The following ANOS1 variants were observed in gnomAD, a reference collection of about 807,000 sequenced individuals.
ANOS1 encodes the protein anosmin-1.
ANOS1 carries 6 observed loss-of-function variants against 59.0 expected under a neutral mutation model. The observed-to-expected ratio is 0.10, with a 90% CI of 0.06 to 0.20. The LOEUF is 0.20. Ranked by LOEUF, ANOS1 falls within the 10% of genes least tolerant of loss-of-function variation. The pLI is 1.00. For missense variants in ANOS1, 433 were observed against 542.3 expected, an observed-to-expected ratio of 0.80 and a Z score of 2.00; for synonymous variants, 217 against 223.4, an observed-to-expected ratio of 0.97 and a Z score of 0.25.
chrX:8,593,436 T>C (rs961135248), intron 4 of ANOS1, among the ~76,000 whole-genome samples: 4 of 112,077 alleles, frequency 3.6e-5, no homozygotes, highest in African/African-American at 9.7e-5. Flanking sequence ...TGCAACACTT[T>C]AATACATAAA....
intron 2 of ANOS1, among the ~76,000 whole-genome samples, chrX:8,663,031 T>C (rs1248143112): frequency 9.2e-6 from 1 of 108,833 alleles, no homozygotes; most frequent in East Asian, 2.9e-4. Flanking sequence ...AATAAATAAA[T>C]AAAATAAAAT....
intron 6 of ANOS1, among the ~76,000 whole-genome samples, chrX:8,576,568 G>A (rs1366044622): frequency 1.9e-5 from 2 of 103,186 alleles, no homozygotes; most frequent in Non-Finnish European, 3.8e-5. Flanking sequence ...GAGAGCCAGA[G>A]AGTCAGAGAG....
intron 1 of ANOS1, 50 bp from the exon 2 acceptor site, chrX:8,699,795 C>A: frequency 1.1e-6 from 1 of 924,691 alleles, no homozygotes; most frequent in Non-Finnish European, 1.5e-6. Flanking sequence ...GCTACACATA[C>A]ACAGATTTCT....
intron 9 of ANOS1, among the ~76,000 whole-genome samples, chrX:8,546,144 T>C (rs1038750574): frequency 8.9e-6 from 1 of 112,269 alleles, no homozygotes; most frequent in Non-Finnish European, 1.9e-5. Context: ...CTGAGTCCAT[T>C]TCAAAGGTCT....
intron 2 of ANOS1, among the ~76,000 whole-genome samples, chrX:8,699,168 T>C (rs1271986093): frequency 1.8e-5 from 2 of 111,708 alleles, no homozygotes; most frequent in Non-Finnish European, 3.8e-5. Context: ...AATTGTATTA[T>C]ATCAAACATA....
chrX:8,621,906 T>C (rs2146845437), intron 3 of ANOS1, among the ~76,000 whole-genome samples: 1 of 111,828 alleles, frequency 8.9e-6, no homozygotes, highest in Admixed American at 9.6e-5. Flanking sequence ...ATTCAAAAAG[T>C]TCATGTTGAA....
intron 2 of ANOS1, among the ~76,000 whole-genome samples, chrX:8,659,189 T>C (rs1007602327): frequency 9.2e-6 from 1 of 109,118 alleles, no homozygotes; most frequent in Non-Finnish European, 1.9e-5. Context: ...ATCGTGCCAT[T>C]GCACTCCAGC....
intron 6 of ANOS1, among the ~76,000 whole-genome samples, chrX:8,580,420 G>A (rs183147557): frequency 1.3e-4 from 14 of 111,700 alleles, no homozygotes; most frequent in Non-Finnish European, 3.8e-5. Flanking sequence ...TCTGGGAGGG[G>A]TAAGAGTTAG....
At chrX:8,727,376 A>C (rs1239181036) in intron 1 of ANOS1, among the ~76,000 whole-genome samples, 1 of 111,679 alleles carries the variant, frequency 9.0e-6, no homozygotes, top group African/African-American at 3.3e-5. Flanking sequence ...TGTAGGGAAG[A>C]TCAGGGTTGG....
rs1187781153 is a variant in ANOS1 at position 8,732,043 on chromosome X, G to GGGTCGA, written c.-13_-8dup. On this transcript the variant is annotated 5_prime_UTR_variant, in exon 1 of 14. Transcript: ENST00000262648. ...CGGGCACCCCGGGCACCATGGCTGC[G>GGGTCGA]GGTCGAGGGCGAGGGCGAGGGCGCC... 1.0e-6 allele frequency: 1 copy of GGGTCGA among 954,222 alleles called. No homozygotes were observed. The highest frequency in any genetic ancestry group is 1.3e-6 in the Non-Finnish European group (1 of 764,717). 78.6% of individuals were successfully genotyped at this position (954,222 alleles called of 1,213,427 possible).
chrX:8,592,197 T>G (rs1325284565), intron 4 of ANOS1, among the ~76,000 whole-genome samples: 3 of 112,136 alleles, frequency 2.7e-5, no homozygotes, highest in South Asian at 3.7e-4. Flanking sequence ...TTCTAGTGAT[T>G]TAATCACTAC....
At chrX:8,634,132 C>T (rs1931535092) in intron 2 of ANOS1, among the ~76,000 whole-genome samples, 1 of 110,992 alleles carries the variant, frequency 9.0e-6, no homozygotes, top group East Asian at 2.8e-4. Context: ...AGTAGATTCT[C>T]TTAGTAGTTA....
chrX:8,684,933 A>G (rs867007964), intron 2 of ANOS1, among the ~76,000 whole-genome samples: 1 of 110,283 alleles, frequency 9.1e-6, no homozygotes, highest in Admixed American at 9.8e-5. Context: ...GATCCGTTCC[A>G]GCCCCACAAG....
intron 10 of ANOS1, among the ~76,000 whole-genome samples, chrX:8,539,312 T>C (rs1193931015): frequency 9.1e-6 from 1 of 110,233 alleles, no homozygotes; most frequent in Middle Eastern, 4.6e-3. Flanking sequence ...TAGATCACGG[T>C]GACATGTCAA....
At chrX:8,613,944 C>T (rs371985733) in intron 3 of ANOS1, among the ~76,000 whole-genome samples, 5 of 112,284 alleles carry the variant, frequency 4.5e-5, no homozygotes, top group Non-Finnish European at 9.4e-5. Flanking sequence ...CCTGGCCACA[C>T]CATATACCTA....
At chrX:8,659,164 T>C (rs773051575) in intron 2 of ANOS1, among the ~76,000 whole-genome samples, 4 of 107,870 alleles carry the variant, frequency 3.7e-5, no homozygotes, top group South Asian at 8.4e-4. Context: ...GAGGCGGAGG[T>C]TGCAGTGAGC....
At chrX:8,650,255 C>T (rs987517050) in intron 2 of ANOS1, among the ~76,000 whole-genome samples, 1 of 112,455 alleles carries the variant, frequency 8.9e-6, no homozygotes, top group Non-Finnish European at 1.9e-5. Context: ...GTGCATTTCC[C>T]ATTTTCTGTT....
intron 8 of ANOS1, among the ~76,000 whole-genome samples, chrX:8,560,056 A>G (rs771489891): frequency 1.8e-5 from 2 of 111,931 alleles, no homozygotes; most frequent in African/African-American, 6.5e-5. Context: ...GCCTGGGGCT[A>G]TTCGGGGTGT....
intron 4 of ANOS1, among the ~76,000 whole-genome samples, chrX:8,590,407 G>C (rs1374296767): frequency 9.0e-6 from 1 of 110,737 alleles, no homozygotes; most frequent in Non-Finnish European, 1.9e-5. Flanking sequence ...CTAACTGTAG[G>C]CCCTTGAATA....
Sources: allele counts gnomAD v4.1 joint callset (sites outside exome capture counted in the v4.1 genomes callset), GRCh38; gene constraint gnomAD v4.1.1; transcripts MANE v1.5; gene names NCBI Gene and HGNC (gene_info 2026-07-23, HGNC 2026-07-21).